PRDM4: variants seen among roughly 807,000 people sequenced by gnomAD.
The protein encoded by PRDM4 is PR/SET domain 4.
Under a neutral mutation model 62.3 loss-of-function variants are expected in PRDM4, and 38 were observed. That is an observed-to-expected ratio of 0.61 (90% CI 0.47 to 0.80). The LOEUF (loss-of-function observed/expected upper bound fraction) is 0.80, where lower values mean the gene tolerates loss of function less well. Ranked by LOEUF, PRDM4 falls within the 30% of genes least tolerant of loss-of-function variation. The pLI is 0.00. For synonymous variants in PRDM4, 339 were observed against 348.2 expected, an observed-to-expected ratio of 0.97 and a Z score of 0.30; for missense variants, 858 against 997.1, an observed-to-expected ratio of 0.86 and a Z score of 1.88.
At chr12:107,746,748 G>T (rs1379659198) in intron 5 of PRDM4, among the ~76,000 whole-genome samples, 1 of 151,936 alleles carries the variant, frequency 6.6e-6, no homozygotes, top group African/African-American at 2.4e-5. Context: ...GCCTCCCAGA[G>T]TGCTGGTATT....
chr12:107,737,677 C>A (rs1410191137), intron 11 of PRDM4, among the ~76,000 whole-genome samples: 1 of 152,180 alleles, frequency 6.6e-6, no homozygotes, highest in Non-Finnish European at 1.5e-5. Context: ...AGTCCTTAAC[C>A]CTGGCTGGCC....
intron 8 of PRDM4, chr12:107,742,581 G>A (rs1890552111): frequency 4.1e-6 from 2 of 493,482 alleles, no homozygotes; most frequent in Non-Finnish European, 7.1e-6. Context: ...ACTACAGTCT[G>A]TTATTGGAAG....
chr12:107,740,712 C>T (rs1890490302), intron 10 of PRDM4, among the ~76,000 whole-genome samples: 1 of 152,086 alleles, frequency 6.6e-6, no homozygotes, highest in African/African-American at 2.4e-5. Context: ...TGATCAACTT[C>T]CTGATTATTA....
Position 107,740,872 on chromosome 12 carries a change from C to T in PRDM4, c.1924+74G>A, listed in dbSNP as rs1329144982. 5 of 1,431,430 alleles carry T rather than the reference C, an allele frequency of 3.5e-6. No homozygotes were observed. In the African/African-American group the frequency reaches 7.1e-5, roughly 20 times the overall value. The allele number at this position is 1,431,430 out of a possible 1,614,324, so 88.7% of individuals were successfully genotyped here. ...TCAAATCTCAACTCCACCTACAATC[C>T]CTCTACAAAGCCTTTACTACCGCAT... is the stretch of plus-strand genomic sequence containing the variant. On this transcript the variant is annotated intron_variant, in intron 10 of 11. Transcript: ENST00000228437.
At chr12:107,743,671 T>C (rs1890590102) in intron 7 of PRDM4, among the ~76,000 whole-genome samples, 1 of 152,224 alleles carries the variant, frequency 6.6e-6, no homozygotes. Context: ...CACTTGGGCC[T>C]AGCATTCCAA....
chr12:107,744,210 AG>A (rs1251298655), intron 7 of PRDM4, among the ~76,000 whole-genome samples: 14 of 152,364 alleles, frequency 9.2e-5, no homozygotes, highest in Non-Finnish European at 1.9e-4. Flanking sequence ...TTAATTACAA[AG>A]TAAGACTTTT....
At chr12:107,745,919 G>A (rs1890686447) in intron 6 of PRDM4, among the ~76,000 whole-genome samples, 1 of 152,170 alleles carries the variant, frequency 6.6e-6, no homozygotes, top group Non-Finnish European at 1.5e-5. Flanking sequence ...TGTGTCATAA[G>A]GTGAATTTTC....
chr12:107,760,718 C>T lies in PRDM4; in HGVS notation c.-203G>A. The T allele has an allele frequency of 1.7e-6, 1 of 592,934 alleles. No homozygotes were observed. Among genetic ancestry groups the T allele is most frequent in the Non-Finnish European group, 2.9e-6 (1 of 339,374 alleles). The allele number at this position is 592,934 out of a possible 1,614,324, so 36.7% of individuals were successfully genotyped here. A position where few individuals can be genotyped will look rare whatever the true frequency, so the allele number is the denominator to read the frequency against. On this transcript the variant is annotated 5_prime_UTR_variant, in exon 2 of 12. Transcript: ENST00000228437. ...CACCCCGCCACGGGTTGGGGCATCT[C>T]GGGGAACACCTGGGGCCTTCCGTCC... is the stretch of plus-strand genomic sequence containing the variant.
intron 2 of PRDM4, chr12:107,758,235 C>CTTTTTTTTTTTTTTTTTTTTTTTT (rs1891120941): frequency 8.1e-6 from 1 of 122,956 alleles, no homozygotes; most frequent in Non-Finnish European, 1.7e-5. Context: ...CTCTCTTAAT[C>CTTTTTTTTTTTTTTTTTTTTTTTT]TTCTTTTTTT....
chr12:107,754,216 A>C, intron 3 of PRDM4, 107 bp from the exon 4 acceptor site: 1 of 807,992 alleles, frequency 1.2e-6, no homozygotes, highest in Non-Finnish European at 1.9e-6. Context: ...ATGGGCAAAA[A>C]TCTCACCTAC....
intron 10 of PRDM4, 75 bp downstream of exon 10, chr12:107,740,871 C>A: frequency 2.1e-6 from 3 of 1,421,834 alleles, no homozygotes; most frequent in East Asian, 2.3e-5. Flanking sequence ...CACCTACAAT[C>A]CCTCTACAAA....
At chr12:107,752,303 G>T in intron 4 of PRDM4, 94 bp from the exon 5 acceptor site, 1 of 870,174 alleles carries the variant, frequency 1.1e-6, no homozygotes, top group Middle Eastern at 2.4e-4. Context: ...ACATAACTAA[G>T]TTCAAATAAT....
intron 5 of PRDM4, among the ~76,000 whole-genome samples, chr12:107,748,378 A>G (rs771442505): frequency 6.6e-6 from 1 of 152,222 alleles, no homozygotes; most frequent in Non-Finnish European, 1.5e-5. Flanking sequence ...AAACTTGTAC[A>G]TGAGAGTTCA....
chr12:107,757,516 A>G (rs1005432832), intron 2 of PRDM4, among the ~76,000 whole-genome samples: 14 of 152,186 alleles, frequency 9.2e-5, no homozygotes, highest in South Asian at 2.1e-4. Context: ...AATGTCCTCC[A>G]AATATTGAGG....
At chr12:107,748,783 C>CA (rs1382614049) in intron 5 of PRDM4, among the ~76,000 whole-genome samples, 3 of 151,938 alleles carry the variant, frequency 2.0e-5, no homozygotes, top group East Asian at 1.9e-4. Flanking sequence ...GTAAATACAC[C>CA]AAAAAAACCA....
chr12:107,746,457 G>T (rs1890709280), intron 5 of PRDM4, 33 bp from the exon 6 acceptor site: 2 of 1,494,314 alleles, frequency 1.3e-6, no homozygotes, highest in South Asian at 1.3e-5. Flanking sequence ...ATACAAATGG[G>T]TTTAGTTCAA....
intron 5 of PRDM4, among the ~76,000 whole-genome samples, chr12:107,746,715 C>T: frequency 6.6e-6 from 1 of 151,936 alleles, no homozygotes; most frequent in East Asian, 1.9e-4. Context: ...GAACTCCTGA[C>T]CTCAGATGAT....
Position 107,752,132 on chromosome 12 carries a change from C to T in PRDM4, c.409G>A (p.Ala137Thr). The change falls in exon 5 of 12, where the codon GCA becomes ACA. Residue 137 changes from alanine (A) to threonine (T), a missense_variant. Ala to Thr is a moderately conservative substitution (Grantham distance 58). This residue lies in a region of PRDM4 where 499 missense variants were observed against 546.7 expected (regional missense o/e 0.91). Coordinates refer to ENST00000228437, the MANE Select transcript of PRDM4 (RefSeq NM_012406.4). Reference sequence around the variant, plus strand: ...GAAGGGTTATTGGTGATAGATAATGCTGTATTACCATCAACATTTATAGAG... The same window carrying T: ...GAAGGGTTATTGGTGATAGATAATGTTGTATTACCATCAACATTTATAGAG... ...PNSINVDGNTALSITNNPSAL... is the reference protein window; with the variant it reads ...PNSINVDGNTTLSITNNPSAL... 6.3e-7 allele frequency: 1 copy of T among 1,599,286 alleles called. No individual in the cohort carries two copies. The highest frequency in any genetic ancestry group is 2.2e-5 in the East Asian group (1 of 44,826).
At chr12:107,743,137 G>C (rs1029332421) in intron 8 of PRDM4, 60 bp downstream of exon 8, 2 of 1,346,058 alleles carry the variant, frequency 1.5e-6, no homozygotes, top group Non-Finnish European at 2.1e-6. Context: ...TTTATGCAAA[G>C]CTTCCTATTG....
Sources: allele counts gnomAD v4.1 joint callset (sites outside exome capture counted in the v4.1 genomes callset), GRCh38; gene constraint gnomAD v4.1.1; regional missense constraint gnomAD v4.1.1; transcripts MANE v1.5; gene names NCBI Gene and HGNC (gene_info 2026-07-23, HGNC 2026-07-21).